Variants in CBLB observed in about 807,000 individuals in gnomAD.
The protein encoded by CBLB is Cbl proto-oncogene B.
CBLB carries 31 observed loss-of-function variants against 104.9 expected under a neutral mutation model. The observed-to-expected ratio is 0.30, with a 90% confidence interval of 0.22 to 0.40. The LOEUF (loss-of-function observed/expected upper bound fraction) is 0.40. CBLB is among the 10% of genes least tolerant of loss of function. The pLI is 1.00. For missense variants in CBLB, 1,062 were observed against 1,214.6 expected (o/e 0.87, Z 1.87); for synonymous variants, 440 against 422.6 (o/e 1.04, Z -0.51).
Position 105,791,846 on chromosome 3 carries a change from TTTAATTTGGATTTTA to T in CBLB, c.420-15319_420-15305del, listed in dbSNP as rs2152996216. On this transcript the variant is annotated intron_variant, in intron 3 of 18. Transcript: ENST00000394030. The stretch of plus-strand genomic sequence containing the variant: ...TATTTCCATTATGTTAGTTGGTGAG[TTTAATTTGGATTTTA>T]TTAATATCTATTTTTATCACGTACA... 1.3e-5 allele frequency among the ~76,000 whole-genome samples: 2 copies of T among 152,324 alleles called. 1 individual carries two copies. Among genetic ancestry groups the T allele is most frequent in the South Asian group, 4.1e-4 (2 of 4,830 alleles).
intron 2 of CBLB, among the ~76,000 whole-genome samples, chr3:105,864,723 C>T (rs2092325787): frequency 6.6e-6 from 1 of 152,160 alleles, no homozygotes; most frequent in Non-Finnish European, 1.5e-5. Flanking sequence ...AAAGCCTGCC[C>T]TCTGAAAACA....
chr3:105,762,036 G>A (rs1273647782), intron 4 of CBLB: 1 of 152,252 alleles, frequency 6.6e-6, no homozygotes, highest in East Asian at 1.9e-4. Flanking sequence ...CTAGAGATCT[G>A]TGTAACTTTT....
At chr3:105,738,663 G>C (rs755891903) in intron 7 of CBLB, among the ~76,000 whole-genome samples, 7 of 152,088 alleles carry the variant, frequency 4.6e-5, no homozygotes, top group Middle Eastern at 6.8e-3. Flanking sequence ...AACCTATCAG[G>C]AGGTTGTTGA....
intron 3 of CBLB, among the ~76,000 whole-genome samples, chr3:105,832,736 GA>G (rs1489291019): frequency 1.4e-4 from 21 of 152,252 alleles, no homozygotes; most frequent in African/African-American, 4.8e-4. Flanking sequence ...CACTAAATAG[GA>G]TGTAGCTCAA....
chr3:105,767,328 C>T (rs1216469931), intron 4 of CBLB, among the ~76,000 whole-genome samples: 4 of 151,984 alleles, frequency 2.6e-5, no homozygotes, highest in South Asian at 2.1e-4. Flanking sequence ...ATATCTCACT[C>T]GCTGGAAAGG....
At position 105,680,595 on chromosome 3, in the gene CBLB, G is replaced by C. The variant is rs975775707; in HGVS notation, c.2428+884C>G. ...TGTAATTGATGTAGGTGAGAATAAAGTCCTGAACTACAGAGAGAACAGGAG... is the reference window on the plus strand; with the variant it reads ...TGTAATTGATGTAGGTGAGAATAAACTCCTGAACTACAGAGAGAACAGGAG... On this transcript the variant is annotated intron_variant, in intron 16 of 18. Coordinates refer to ENST00000394030, the MANE Select transcript of CBLB (RefSeq NM_170662.5). Among the ~76,000 whole-genome samples the C allele has an allele frequency of 6.6e-5, 10 of 152,162 alleles. No individual in the cohort carries two copies. In the East Asian group the frequency reaches 1.5e-3, roughly 23 times the overall value.
rs369433981 is a variant in CBLB at position 105,830,294 on chromosome 3, A to G, written c.419+23120T>C. ...TAAGATTGCCCATTGTTTATATGAC[A>G]GACATTTAGATCCTTGTACTCTGTA... On this transcript the variant is annotated intron_variant, in intron 3 of 18. Transcript: ENST00000394030. Among the ~76,000 whole-genome samples, 147 of 152,344 alleles carry G rather than the reference A, an allele frequency of 9.6e-4. 1 individual carries two copies. The highest frequency in any genetic ancestry group is 2.8e-3 in the Admixed American group (43 of 15,286).
At chr3:105,670,767 A>T in intron 17 of CBLB, 1 of 183,656 alleles carries the variant, frequency 5.4e-6, no homozygotes, top group South Asian at 1.1e-4. Flanking sequence ...TAAGAGTATT[A>T]TCAAATTACT....
chr3:105,729,333 A>C (rs748456781), intron 9 of CBLB, among the ~76,000 whole-genome samples: 17 of 152,124 alleles, frequency 1.1e-4, no homozygotes, highest in Admixed American at 1.3e-4. Flanking sequence ...AGCATACTAC[A>C]GAACATGGGA....
At position 105,737,238 on chromosome 3, in the gene CBLB, C is replaced by T. The variant is rs777823614; in HGVS notation, c.1004G>A (p.Arg335Lys). 12 of 1,572,554 alleles carry T rather than the reference C, an allele frequency of 7.6e-6. No homozygotes were observed. Among genetic ancestry groups the T allele is most frequent in the Middle Eastern group, 1.7e-4 (1 of 5,944 alleles). Residue 335 changes from arginine (R) to lysine (K), a missense_variant, in exon 8 of 19, where the codon AGG (arginine) becomes AAG (lysine). Arg to Lys is a conservative substitution (Grantham distance 26, BLOSUM62 2). Around this residue, in one of 2 missense-constraint regions of CBLB, gnomAD observed 457 missense variants for 632.0 expected, o/e 0.72. Transcript: ENST00000394030. ...TCCAGTTAAATCAGGATTATAACTC[C>T]TCCCATCAGGATAAAGATAACTGAA... Reference protein sequence around the residue: ...REGFYLYPDGRSYNPDLTGLC... With the variant: ...REGFYLYPDGKSYNPDLTGLC...
At position 105,823,935 on chromosome 3, in the gene CBLB, T is replaced by A. The variant is rs115106054; in HGVS notation, c.419+29479A>T. The stretch of plus-strand genomic sequence containing the variant: ...TCAACCCTACCAAGCTGACTCTGAA[T>A]CTCCCCACTGTGTTCTATTTTATTC... On this transcript the variant is annotated intron_variant, in intron 3 of 18. Coordinates refer to ENST00000394030, the MANE Select transcript of CBLB (RefSeq NM_170662.5). Among the ~76,000 whole-genome samples the A allele has an allele frequency of 5.7e-3, 866 of 152,238 alleles. 10 individuals carry two copies. Among genetic ancestry groups the A allele is most frequent in the African/African-American group, 0.019 (800 of 41,542 alleles).
intron 14 of CBLB, among the ~76,000 whole-genome samples, chr3:105,682,595 C>T (rs1415874906): frequency 1.3e-5 from 2 of 152,138 alleles, no homozygotes; most frequent in African/African-American, 4.8e-5. Flanking sequence ...CAACCTCCGC[C>T]TACCAGGTTC....
chr3:105,795,793 G>C (rs1283456197), intron 3 of CBLB, among the ~76,000 whole-genome samples: 2 of 152,070 alleles, frequency 1.3e-5, no homozygotes, highest in Non-Finnish European at 2.9e-5. Flanking sequence ...GCCCAGGCTG[G>C]AGTGCAGTGG....
intron 10 of CBLB, among the ~76,000 whole-genome samples, chr3:105,710,308 C>A (rs2301043): frequency 0.21 from 32,158 of 151,710 alleles, 3,546 homozygotes; most frequent in Admixed American, 0.26. Flanking sequence ...ATGTTCATCT[C>A]TCTAATCTTA....
At chr3:105,724,571 C>T (rs939055220) in intron 9 of CBLB, among the ~76,000 whole-genome samples, 1 of 151,932 alleles carries the variant, frequency 6.6e-6, no homozygotes, top group Non-Finnish European at 1.5e-5. Flanking sequence ...TTCCAGTTGG[C>T]ATAATTAGTA....
At chr3:105,803,117 G>A (rs1308891437) in intron 3 of CBLB, among the ~76,000 whole-genome samples, 1 of 152,114 alleles carries the variant, frequency 6.6e-6, no homozygotes, top group Non-Finnish European at 1.5e-5. Flanking sequence ...ACAAATTTTG[G>A]TTACTGAAAG....
intron 3 of CBLB, among the ~76,000 whole-genome samples, chr3:105,788,169 A>C (rs1377662149): frequency 6.6e-6 from 1 of 152,220 alleles, no homozygotes; most frequent in African/African-American, 2.4e-5. Context: ...TGCTACTTTT[A>C]CCACATGATG....
At chr3:105,846,297 T>C (rs1472295909) in intron 3 of CBLB, among the ~76,000 whole-genome samples, 1 of 152,074 alleles carries the variant, frequency 6.6e-6, no homozygotes, top group African/African-American at 2.4e-5. Flanking sequence ...TAGGTTAATT[T>C]TTTAAATGTA....
chr3:105,770,659 G>T (rs573535988), intron 4 of CBLB, among the ~76,000 whole-genome samples: 1 of 152,136 alleles, frequency 6.6e-6, no homozygotes, highest in African/African-American at 2.4e-5. Context: ...ATAGGAGCTG[G>T]GTGCCTGGCC....
Sources: allele counts gnomAD v4.1 joint callset (sites outside exome capture counted in the v4.1 genomes callset), GRCh38; gene constraint gnomAD v4.1.1; regional missense constraint gnomAD v4.1.1; transcripts MANE v1.5; gene names NCBI Gene and HGNC (gene_info 2026-07-23, HGNC 2026-07-21).